The following USP24 variants were observed in gnomAD, a reference collection of about 807,000 sequenced individuals.
USP24 encodes ubiquitin carboxyl-terminal hydrolase 24.
A neutral mutation model predicts 361.6 loss-of-function variants in USP24; 97 were observed. The observed-to-expected ratio is 0.27, with a 90% CI of 0.23 to 0.32. USP24 has a LOEUF of 0.32. Ranked by LOEUF, USP24 falls within the 10% of genes least tolerant of loss-of-function variation. The pLI is 1.00. For missense variants in USP24, 2,353 were observed against 3,165.6 expected (o/e 0.74, Z 6.16); for synonymous variants, 1,098 against 1,124.6 (o/e 0.98, Z 0.47).
chr1:55,089,862 G>C lies in USP24; in HGVS notation c.6555-122C>G, dbSNP rs1645336722. ...GAATGTCTCTCTGTATGTCTCTCGT[G>C]GGTAGAGTGGAGGGATAAGAGATAC... On this transcript the variant is annotated intron_variant, in intron 54 of 67. Coordinates refer to ENST00000294383, the MANE Select transcript of USP24 (RefSeq NM_015306.3). 1.1e-5 allele frequency: 7 copies of C among 646,670 alleles called. No homozygotes were observed. In the South Asian group the frequency reaches 1.6e-4, roughly 15 times the overall value. The allele number at this position is 646,670 out of a possible 1,614,324, so 40.1% of individuals were successfully genotyped here. A position where few individuals can be genotyped will look rare whatever the true frequency, so the allele number is the denominator to read the frequency against.
chr1:55,187,880 C>T (rs901225710), intron 1 of USP24, among the ~76,000 whole-genome samples: 2 of 152,040 alleles, frequency 1.3e-5, no homozygotes, highest in South Asian at 4.1e-4. Context: ...GAACACAATC[C>T]GCATCAAAAT....
intron 3 of USP24, among the ~76,000 whole-genome samples, chr1:55,173,183 G>GA (rs1346866858): frequency 2.0e-5 from 3 of 151,630 alleles, no homozygotes; most frequent in East Asian, 1.9e-4. Flanking sequence ...CTCAGAATGT[G>GA]AAAAAAAATC....
chr1:55,200,921 G>A (rs964044485), intron 1 of USP24, among the ~76,000 whole-genome samples: 4 of 152,074 alleles, frequency 2.6e-5, no homozygotes, highest in African/African-American at 7.2e-5. Flanking sequence ...GTGAGCTAAA[G>A]AAAAAACATA....
chr1:55,202,814 G>C (rs1481313427), intron 1 of USP24, among the ~76,000 whole-genome samples: 2 of 152,208 alleles, frequency 1.3e-5, no homozygotes, highest in Non-Finnish European at 2.9e-5. Context: ...AGAGACCACA[G>C]CACCTTCACA....
At position 55,106,142 on chromosome 1, in the gene USP24, A is replaced by C; in HGVS notation, c.4880+4T>G. The C allele has an allele frequency of 6.2e-7, 1 of 1,606,864 alleles. No homozygotes were observed. Among genetic ancestry groups the C allele is most frequent in the Non-Finnish European group, 8.5e-7 (1 of 1,173,486 alleles). On this transcript the variant is annotated splice_donor_region_variant and intron_variant, in intron 41 of 67. Transcript: ENST00000294383. ...AAACTGAACACAACGTGCATTTTCC[A>C]TACTTTGGATGAAAGTCCTGTTGAC...
At chr1:55,071,543 G>T (rs888131853) in intron 67 of USP24, 20 of 1,255,970 alleles carry the variant, frequency 1.6e-5, no homozygotes, top group Non-Finnish European at 2.0e-5. Context: ...CTGTGCCCTG[G>T]CTTCATCGGG....
Position 55,113,283 on chromosome 1 carries a change from A to G in USP24, c.4509-3037T>C, listed in dbSNP as rs568671715. On this transcript the variant is annotated intron_variant, in intron 38 of 67. Coordinates refer to ENST00000294383, the MANE Select transcript of USP24 (RefSeq NM_015306.3). ...ACACAAACAAACTAGAAAATCTGTA[A>G]GAAATGGATAAATTCCCAGACACAC... Among the ~76,000 whole-genome samples, 3 of 152,346 alleles carry G rather than the reference A, an allele frequency of 2.0e-5. No individual in the cohort carries two copies. In the South Asian group the frequency reaches 6.2e-4, roughly 32 times the overall value.
chr1:55,117,167 A>T (rs952556129), intron 38 of USP24, among the ~76,000 whole-genome samples: 2 of 152,196 alleles, frequency 1.3e-5, no homozygotes, highest in Admixed American at 6.5e-5. Flanking sequence ...ACAAACTACA[A>T]ATAGAAGGAA....
intron 51 of USP24, among the ~76,000 whole-genome samples, chr1:55,094,935 C>A (rs973950805): frequency 6.6e-6 from 1 of 151,914 alleles, no homozygotes. Context: ...CCTGGGAGGT[C>A]GAGGCTGCAG....
intron 59 of USP24, among the ~76,000 whole-genome samples, chr1:55,079,888 GCACA>G (rs1017095717): frequency 6.6e-6 from 1 of 150,554 alleles, no homozygotes; most frequent in Admixed American, 6.6e-5. Context: ...CACAGTACTC[GCACA>G]CACAGAGAAC....
chr1:55,214,060 C>T (rs893912167), intron 1 of USP24, among the ~76,000 whole-genome samples: 7 of 152,058 alleles, frequency 4.6e-5, no homozygotes, highest in African/African-American at 1.7e-4. Context: ...CCTGCCTAGA[C>T]CCTCCTCAGC....
intron 1 of USP24, among the ~76,000 whole-genome samples, chr1:55,196,634 C>T (rs938653563): frequency 1.3e-5 from 2 of 152,234 alleles, no homozygotes; most frequent in African/African-American, 4.8e-5. Flanking sequence ...ACACCAGGCA[C>T]ATATCCAACT....
intron 45 of USP24, among the ~76,000 whole-genome samples, chr1:55,098,942 G>A (rs1258777156): frequency 6.6e-6 from 1 of 152,206 alleles, no homozygotes; most frequent in African/African-American, 2.4e-5. Context: ...ACTGATGAGA[G>A]GCCAATGCTG....
intron 5 of USP24, among the ~76,000 whole-genome samples, chr1:55,167,944 G>T (rs1354145498): frequency 6.6e-6 from 1 of 152,110 alleles, no homozygotes; most frequent in East Asian, 1.9e-4. Context: ...TTCAAGTCTG[G>T]TATACTCAGA....
At position 55,083,583 on chromosome 1, in the gene USP24, C is replaced by A. The variant is rs145064487; in HGVS notation, c.6882+189G>T. ...AATTAACCCCTAGTTTTAATGCAGACTTCTACTGCTATCAATGAGTAACTA... is the reference window on the plus strand; with the variant it reads ...AATTAACCCCTAGTTTTAATGCAGAATTCTACTGCTATCAATGAGTAACTA... On this transcript the variant is annotated intron_variant, in intron 57 of 67. Coordinates refer to ENST00000294383, the MANE Select transcript of USP24 (RefSeq NM_015306.3). Among the ~76,000 whole-genome samples, 195 of 152,262 alleles carry A rather than the reference C, an allele frequency of 1.3e-3. 1 individual carries two copies. Among genetic ancestry groups the A allele is most frequent in the Admixed American group, 2.2e-3 (34 of 15,290 alleles).
At chr1:55,204,122 G>C (rs1003393954) in intron 1 of USP24, among the ~76,000 whole-genome samples, 7 of 152,066 alleles carry the variant, frequency 4.6e-5, no homozygotes, top group African/African-American at 1.7e-4. Context: ...AATAAACTAA[G>C]CAATCCTCAT....
intron 56 of USP24, among the ~76,000 whole-genome samples, chr1:55,084,730 G>A (rs1447127609): frequency 6.6e-6 from 1 of 152,194 alleles, no homozygotes; most frequent in East Asian, 1.9e-4. Context: ...TTTACGGGGG[G>A]AGGGGGGCAA....
chr1:55,092,493 T>C (rs1645404976), intron 53 of USP24, among the ~76,000 whole-genome samples: 1 of 152,206 alleles, frequency 6.6e-6, no homozygotes, highest in South Asian at 2.1e-4. Flanking sequence ...TGATATTTTA[T>C]TACAAATTAG....
intron 1 of USP24, among the ~76,000 whole-genome samples, chr1:55,197,262 T>C (rs1163343184): frequency 6.6e-6 from 1 of 152,202 alleles, no homozygotes; most frequent in Non-Finnish European, 1.5e-5. Context: ...CTGTCCAGCA[T>C]GATCTCTCTC....
Sources: allele counts gnomAD v4.1 joint callset (sites outside exome capture counted in the v4.1 genomes callset), GRCh38; gene constraint gnomAD v4.1.1; transcripts MANE v1.5; gene names NCBI Gene and HGNC (gene_info 2026-07-23, HGNC 2026-07-21).